The following COL4A3 variants were observed in gnomAD, a reference collection of about 807,000 sequenced individuals.
The protein encoded by COL4A3 is collagen type IV alpha 3 chain, also known as collagen alpha-3(IV) chain.
Under a neutral mutation model 217.4 loss-of-function variants are expected in COL4A3, and 135 were observed. The observed-to-expected ratio is 0.62, with a 90% CI of 0.54 to 0.72. The LOEUF (loss-of-function observed/expected upper bound fraction) is 0.72. Ranked by LOEUF, COL4A3 falls within the 30% of genes least tolerant of loss-of-function variation. The pLI is 0.00. For missense variants in COL4A3, 1,868 were observed against 2,119.9 expected (o/e 0.88, Z 2.33); for synonymous variants, 690 against 736.3 (o/e 0.94, Z 1.02).
intron 1 of COL4A3, among the ~76,000 whole-genome samples, chr2:227,176,228 C>G (rs1384540559): frequency 6.6e-6 from 1 of 152,128 alleles, no homozygotes; most frequent in Non-Finnish European, 1.5e-5. Context: ...GGTTAAAAAT[C>G]CACCCCACTT....
chr2:227,312,061 T>C lies in COL4A3; in HGVS notation c.*191T>C. 1 of 1,023,556 alleles carries C rather than the reference T, an allele frequency of 9.8e-7. No homozygotes were observed. The highest frequency in any genetic ancestry group is 1.4e-6 in the Non-Finnish European group (1 of 709,406). The allele number at this position is 1,023,556 out of a possible 1,614,324, so 63.4% of individuals were successfully genotyped here. A position where few individuals can be genotyped will look rare whatever the true frequency, so the allele number is the denominator to read the frequency against. On this transcript the variant is annotated 3_prime_UTR_variant, in exon 52 of 52. Transcript: ENST00000396578. ...TCAGTTCTGTGATCTGGGTCTCTAA[T>C]CTGTGCTGTTTCAAAGTTCTCTGTG...
At chr2:227,263,728 C>T (rs569379135) in intron 20 of COL4A3, 52 bp from the exon 21 acceptor site, 319 of 1,519,388 alleles carry the variant, frequency 2.1e-4, no homozygotes, top group East Asian at 1.1e-3. Context: ...AAAATAAATT[C>T]GTATTAATCA....
chr2:227,165,602 A>T (rs546340950), intron 1 of COL4A3, among the ~76,000 whole-genome samples: 1 of 152,328 alleles, frequency 6.6e-6, no homozygotes, highest in South Asian at 2.1e-4. Flanking sequence ...AACTTTTCAG[A>T]TACTTGTTAT....
Position 227,294,956 on chromosome 2 carries a change from T to C in COL4A3, c.3419-8T>C. 6.2e-7 allele frequency: 1 copy of C among 1,608,184 alleles called. No individual in the cohort carries two copies. The highest frequency in any genetic ancestry group is 8.5e-7 in the Non-Finnish European group (1 of 1,175,990). ...TTGGGGTTTTTGGGTTTTTTTTTTT[T>C]TTTTCAGGTCTTCCAGGATTTCCAG... On this transcript the variant is annotated splice_region_variant and splice_polypyrimidine_tract_variant and intron_variant, in intron 39 of 51. Coordinates refer to ENST00000396578, the MANE Select transcript of COL4A3 (RefSeq NM_000091.5).
rs759455097 is a variant in COL4A3 at position 227,248,490 on chromosome 2, C to A, written c.516C>A (p.Asp172Glu). Residue 172 changes from aspartate (D) to glutamate (E), a missense_variant, in exon 9 of 52, where the codon GAC becomes GAA. Physicochemically the swap from Asp to Glu is conservative, Grantham distance 45 (BLOSUM62 2). This residue lies in a region of COL4A3 where 365 missense variants were observed against 333.8 expected (regional missense o/e 1.09). Transcript: ENST00000396578. The stretch of plus-strand genomic sequence containing the variant: ...ATATAGAACTTGATGCAAAAGGCGA[C>A]CCCGGGTTGCCAGGGGCTCCAGGAC... ...EEDIELDAKG[D>E]PGLPGAPGPQ... is the part of the protein sequence containing the mutation. 1 of 1,613,152 alleles carries A rather than the reference C, an allele frequency of 6.2e-7. No individual in the cohort carries two copies. The highest frequency in any genetic ancestry group is 1.1e-5 in the South Asian group (1 of 91,058).
At chr2:227,291,290 G>A (rs540974103) in intron 37 of COL4A3, among the ~76,000 whole-genome samples, 3 of 152,064 alleles carry the variant, frequency 2.0e-5, no homozygotes, top group African/African-American at 7.2e-5. Flanking sequence ...TCGGCCGGGC[G>A]CGGTGGCTCA....
At chr2:227,299,565 C>T (rs893527655) in intron 43 of COL4A3, among the ~76,000 whole-genome samples, 1 of 152,098 alleles carries the variant, frequency 6.6e-6, no homozygotes, top group Non-Finnish European at 1.5e-5. Context: ...GGGGACACAG[C>T]CAAACCATAT....
Position 227,263,867 on chromosome 2 carries a change from C to G in COL4A3, c.1238C>G (p.Ala413Gly). The G allele has an allele frequency of 6.2e-7, 1 of 1,614,102 alleles. No homozygotes were observed. Among genetic ancestry groups the G allele is most frequent in the Non-Finnish European group, 8.5e-7 (1 of 1,179,972 alleles). The change falls in exon 21 of 52, where the codon GCC (alanine) becomes GGC (glycine). Residue 413 changes from alanine to glycine, a missense_variant. Physicochemically the swap from Ala to Gly is moderately conservative, Grantham distance 60. This residue lies in a region of COL4A3 where 1,503 missense variants were observed against 1,786.1 expected (regional missense o/e 0.84). Transcript: ENST00000396578. ...KGERGRPGKD[A>G]MGTPGSPGCA... Reference sequence around the variant, plus strand: ...GAACGAGGCCGCCCAGGAAAGGATGCCATGGGGACTCCTGGGTCCCCAGGT... The same window carrying G: ...GAACGAGGCCGCCCAGGAAAGGATGGCATGGGGACTCCTGGGTCCCCAGGT...
intron 11 of COL4A3, among the ~76,000 whole-genome samples, chr2:227,252,201 ATTCT>A (rs1447069886): frequency 1.8e-4 from 24 of 136,534 alleles, no homozygotes; most frequent in African/African-American, 2.7e-4. Flanking sequence ...CTTTTATTTT[ATTCT>A]TTCTTTCTTT....
Position 227,249,228 on chromosome 2 carries a change from A to AT in COL4A3, c.546+709dup, listed in dbSNP as rs1437063843. Among the ~76,000 whole-genome samples, 47 of 22,188 alleles carry AT rather than the reference A, an allele frequency of 2.1e-3. 2 individuals carry two copies. Among genetic ancestry groups the AT allele is most frequent in the African/African-American group, 4.9e-3 (33 of 6,686 alleles). 14.6% of individuals were successfully genotyped at this position (22,188 alleles called of 152,430 possible). A position where few individuals can be genotyped will look rare whatever the true frequency, so the allele number is the denominator to read the frequency against. ...AATTAGCTAGTATATATATATATATATATTTTTTTTTTTTTTTTTTTTTTT... is the reference window on the plus strand; with the variant it reads ...AATTAGCTAGTATATATATATATATATTATTTTTTTTTTTTTTTTTTTTTTT... On this transcript the variant is annotated intron_variant, in intron 9 of 51. Transcript: ENST00000396578.
At chr2:227,235,492 G>A (rs1474320324) in intron 1 of COL4A3, among the ~76,000 whole-genome samples, 1 of 152,068 alleles carries the variant, frequency 6.6e-6, no homozygotes, top group Non-Finnish European at 1.5e-5. Context: ...GTGGTGTTTG[G>A]TTACATGGAT....
At chr2:227,168,734 A>G (rs935628039) in intron 1 of COL4A3, among the ~76,000 whole-genome samples, 1 of 152,106 alleles carries the variant, frequency 6.6e-6, no homozygotes, top group Non-Finnish European at 1.5e-5. Context: ...ATTTAAAAAA[A>G]GTTTCATAGT....
chr2:227,247,522 A>G, intron 7 of COL4A3, 36 bp from the exon 8 acceptor site: 1 of 1,610,846 alleles, frequency 6.2e-7, no homozygotes, highest in Middle Eastern at 1.7e-4. Flanking sequence ...TGCGTTTGAT[A>G]TTCCTCTAGT....
intron 1 of COL4A3, among the ~76,000 whole-genome samples, chr2:227,175,936 C>T (rs1309543557): frequency 2.0e-5 from 3 of 152,122 alleles, no homozygotes; most frequent in South Asian, 2.1e-4. Context: ...TATCTCTGCC[C>T]GTCTTTCTTC....
At chr2:227,296,664 G>C (rs748975312) in intron 41 of COL4A3, 6 of 240,518 alleles carry the variant, frequency 2.5e-5, no homozygotes, top group Non-Finnish European at 4.0e-5. Flanking sequence ...TGCAAATACA[G>C]TATTACAAAG....
chr2:227,192,773 G>A (rs2066294795), intron 1 of COL4A3, among the ~76,000 whole-genome samples: 1 of 152,204 alleles, frequency 6.6e-6, no homozygotes. Context: ...AACAATCCTT[G>A]ACGAATCGAG....
intron 26 of COL4A3, among the ~76,000 whole-genome samples, chr2:227,274,538 G>A (rs939121652): frequency 2.7e-5 from 4 of 148,950 alleles, no homozygotes; most frequent in African/African-American, 5.0e-5. Context: ...TTGCTCTGTC[G>A]CCCAGGCTGG....
rs534376128 is a variant in COL4A3, at chr2:227,203,391, A to G, written c.88-34577A>G. ...TATGTGTATACATACATATATGTGT[A>G]TATATGTGTATACATACATATATGT... On this transcript the variant is annotated intron_variant, in intron 1 of 51. Coordinates refer to ENST00000396578, the MANE Select transcript of COL4A3 (RefSeq NM_000091.5). 8.1e-5 allele frequency among the ~76,000 whole-genome samples: 5 copies of G among 62,032 alleles called. 1 individual carries two copies. Among genetic ancestry groups the G allele is most frequent in the South Asian group, 6.8e-4 (1 of 1,470 alleles). 40.7% of individuals were successfully genotyped at this position (62,032 alleles called of 152,430 possible).
intron 4 of COL4A3, 89 bp downstream of exon 4, chr2:227,244,453 G>C (rs2069201359): frequency 2.4e-6 from 3 of 1,236,198 alleles, no homozygotes; most frequent in Admixed American, 1.7e-5. Context: ...AGTACACTGT[G>C]TATGGTTCCA....
Sources: allele counts gnomAD v4.1 joint callset (sites outside exome capture counted in the v4.1 genomes callset), GRCh38; gene constraint gnomAD v4.1.1; regional missense constraint gnomAD v4.1.1; transcripts MANE v1.5; gene names NCBI Gene and HGNC (gene_info 2026-07-23, HGNC 2026-07-21).